NRG1: variants seen among roughly 807,000 people sequenced by gnomAD.
The protein encoded by NRG1 is pro-neuregulin-1, membrane-bound isoform.
A neutral mutation model predicts 63.8 loss-of-function variants in NRG1; 18 were observed. The ratio of observed to expected loss-of-function variants is 0.28; its 90% CI spans 0.19 to 0.42. The LOEUF (loss-of-function observed/expected upper bound fraction) is 0.42. NRG1 is among the 10% of genes least tolerant of loss of function. The pLI is 1.00. For synonymous variants in NRG1, 302 were observed against 301.3 expected (o/e 1.00, Z -0.02); for missense variants, 762 against 814.7 (o/e 0.94, Z 0.79).
At chr8:32,301,242 C>A (rs1855534015) in intron 1 of NRG1, among the ~76,000 whole-genome samples, 1 of 152,122 alleles carries the variant, frequency 6.6e-6, no homozygotes, top group Non-Finnish European at 1.5e-5. Flanking sequence ...AATACAAAAG[C>A]TAGAATATTC....
At chr8:31,813,007 A>C (rs1168553001) in intron 1 of NRG1, among the ~76,000 whole-genome samples, 2 of 152,206 alleles carry the variant, frequency 1.3e-5, no homozygotes, top group Admixed American at 6.5e-5. Flanking sequence ...GAATATGAAA[A>C]GCATCTGAAC....
At chr8:32,375,097 C>A (rs1049286326) in intron 1 of NRG1, among the ~76,000 whole-genome samples, 2 of 152,182 alleles carry the variant, frequency 1.3e-5, no homozygotes, top group Non-Finnish European at 2.9e-5. Context: ...ATCCTCCCAC[C>A]TCAGCCTCCT....
rs1815782979 is a variant in NRG1, at chr8:32,415,602, AAT to A, written c.38-180225_38-180224del. On this transcript the variant is annotated intron_variant, in intron 1 of 10. Coordinates refer to the NRG1 transcript ENST00000519301. ...CTCTGGTAGAGAAGAGGAAAACAGT[AAT>A]TTTTGAGCATGAATGCATAAGACCA... Among the ~76,000 whole-genome samples the A allele has an allele frequency of 2.0e-5, 3 of 152,288 alleles. No individual in the cohort carries two copies. The East Asian group carries it at 5.8e-4, about 29-fold the overall frequency.
chr8:31,837,329 C>G (rs1382112325), intron 1 of NRG1, among the ~76,000 whole-genome samples: 1 of 151,914 alleles, frequency 6.6e-6, no homozygotes, highest in Non-Finnish European at 1.5e-5. Context: ...CTTCCTCATT[C>G]TGAGAGTATA....
exon 10 of NRG1, chr8:32,759,362 G>A (rs777480775): frequency 1.6e-5 from 26 of 1,613,838 alleles, no homozygotes; most frequent in Non-Finnish European, 2.1e-5. Flanking sequence ...GAGAAGCAGA[G>A]ACATCCTTTT....
chr8:32,580,013 T>A (rs1478729983), intron 1 of NRG1, among the ~76,000 whole-genome samples: 1 of 152,168 alleles, frequency 6.6e-6, no homozygotes, highest in Non-Finnish European at 1.5e-5. Context: ...CTTTTAAAGA[T>A]TCACACCGTT....
intron 1 of NRG1, among the ~76,000 whole-genome samples, chr8:31,990,346 G>A (rs529390876): frequency 6.6e-6 from 1 of 152,172 alleles, no homozygotes; most frequent in African/African-American, 2.4e-5. Flanking sequence ...CACAGGATAT[G>A]CTTTTGAAAT....
At chr8:32,760,321 A>G in exon 11 of NRG1, 1 of 1,614,078 alleles carries the variant, frequency 6.2e-7, no homozygotes, top group East Asian at 2.2e-5. Flanking sequence ...TCTTAATGGC[A>G]CAGGAGGCCC....
chr8:32,704,243 G>A (rs1030570111), intron 5 of NRG1, among the ~76,000 whole-genome samples: 2 of 152,198 alleles, frequency 1.3e-5, no homozygotes, highest in East Asian at 3.8e-4. Context: ...TAAAAAGTGT[G>A]ACCACTTGCT....
intron 1 of NRG1, among the ~76,000 whole-genome samples, chr8:31,754,940 T>C (rs1816821188): frequency 6.6e-6 from 1 of 152,046 alleles, no homozygotes; most frequent in African/African-American, 2.4e-5. Flanking sequence ...ATCTACCTAT[T>C]CAGGTAGATA....
intron 1 of NRG1, among the ~76,000 whole-genome samples, chr8:31,767,311 T>C (rs1818168108): frequency 6.6e-6 from 1 of 152,236 alleles, no homozygotes; most frequent in South Asian, 2.1e-4. Context: ...TTTGTTAAAA[T>C]GTGTGGCAGA....
chr8:32,524,317 G>C lies in NRG1; in HGVS notation c.38-71511G>C, dbSNP rs567899234. Reference sequence around the variant, plus strand: ...CCCTAGTCTTTTATCCTCCCTAGTTGCTAAGCAATGTTTAACAGTGCCTAC... The same window carrying C: ...CCCTAGTCTTTTATCCTCCCTAGTTCCTAAGCAATGTTTAACAGTGCCTAC... On this transcript the variant is annotated intron_variant, in intron 1 of 10. Coordinates refer to the NRG1 transcript ENST00000519301. 2.9e-4 allele frequency among the ~76,000 whole-genome samples: 44 copies of C among 152,040 alleles called. 1 individual carries two copies. The highest frequency in any genetic ancestry group is 1.0e-3 in the African/African-American group (43 of 41,456).
At chr8:31,645,797 A>G (rs557232182) in intron 1 of NRG1, among the ~76,000 whole-genome samples, 1 of 152,358 alleles carries the variant, frequency 6.6e-6, no homozygotes, top group South Asian at 2.1e-4. Flanking sequence ...TTAAATTACA[A>G]CTAAAAAATC....
chr8:32,341,327 G>C (rs1293828616), intron 1 of NRG1, among the ~76,000 whole-genome samples: 1 of 152,222 alleles, frequency 6.6e-6, no homozygotes, highest in Non-Finnish European at 1.5e-5. Context: ...TTAGCAGGCA[G>C]ATGGAAATCC....
intron 5 of NRG1, among the ~76,000 whole-genome samples, chr8:32,709,080 C>G (rs1396749240): frequency 6.6e-6 from 1 of 152,112 alleles, no homozygotes; most frequent in Non-Finnish European, 1.5e-5. Flanking sequence ...GCTTTCAAAG[C>G]TTTTCTCAAG....
chr8:32,322,931 T>C (rs6990964), intron 1 of NRG1, among the ~76,000 whole-genome samples: 143 of 151,980 alleles, frequency 9.4e-4, no homozygotes, highest in African/African-American at 3.3e-3. Flanking sequence ...AAGATACTGA[T>C]GGCTTTCACC....
intron 1 of NRG1, among the ~76,000 whole-genome samples, chr8:32,503,288 G>GGAAAAAA (rs1175759898): frequency 1.8e-5 from 1 of 54,862 alleles, no homozygotes; most frequent in Non-Finnish European, 3.4e-5. Context: ...CTCTGTCTCA[G>GGAAAAAA]AAAAAAAAAA....
chr8:32,436,221 C>T (rs573518492), intron 1 of NRG1, among the ~76,000 whole-genome samples: 1 of 152,188 alleles, frequency 6.6e-6, no homozygotes, highest in African/African-American at 2.4e-5. Flanking sequence ...CCTTATAAAG[C>T]CATCAGATCT....
At chr8:32,358,237 A>C (rs1041580947) in intron 1 of NRG1, among the ~76,000 whole-genome samples, 4 of 152,038 alleles carry the variant, frequency 2.6e-5, no homozygotes, top group African/African-American at 4.8e-5. Context: ...AGAAGCACCA[A>C]CTCAGCCCCA....
Sources: gnomAD v4.1 joint callset for allele counts (sites outside exome capture counted in the v4.1 genomes callset) on GRCh38, gnomAD v4.1.1 for gene constraint, MANE v1.5 for transcripts, NCBI Gene and HGNC (gene_info 2026-07-23, HGNC 2026-07-21) for gene names.